INSR: variants seen among roughly 807,000 people sequenced by gnomAD.
The protein encoded by INSR is IR.
INSR carries 67 observed loss-of-function variants against 142.6 expected under a neutral mutation model. The ratio of observed to expected loss-of-function variants is 0.47; its 90% CI spans 0.39 to 0.58. The LOEUF (loss-of-function observed/expected upper bound fraction) is 0.58. Among genes scored for constraint, INSR ranks in the 20% least tolerant of loss-of-function variants. INSR has a pLI of 0.00. For missense variants in INSR, 1,248 were observed against 1,833.2 expected (o/e 0.68, Z 5.83); for synonymous variants, 756 against 743.1 (o/e 1.02, Z -0.28).
Position 7,159,517 on chromosome 19 carries a change from G to C in INSR, c.2029+3515C>G, listed in dbSNP as rs915702872. The stretch of plus-strand genomic sequence containing the variant: ...TGGTCCCTTGGTAATTACAGATTTA[G>C]ACTTTCGGAATTAAAAAAAAAAAAA... On this transcript the variant is annotated intron_variant, in intron 9 of 21. Coordinates refer to ENST00000302850, the MANE Select transcript of INSR (RefSeq NM_000208.4). The surrounding 1 kb of genome is among the most constrained non-coding windows in gnomAD (Gnocchi z 4.3). 2.7e-5 allele frequency: 4 copies of C among 147,610 alleles called. No individual in the cohort carries two copies. The highest frequency in any genetic ancestry group is 1.0e-4 in the African/African-American group (4 of 39,076). 9.1% of individuals were successfully genotyped at this position (147,610 alleles called of 1,614,324 possible). A position where few individuals can be genotyped will look rare whatever the true frequency, so the allele number is the denominator to read the frequency against.
intron 2 of INSR, among the ~76,000 whole-genome samples, chr19:7,198,333 G>A (rs1239472408): frequency 2.6e-5 from 4 of 151,972 alleles, no homozygotes; most frequent in Non-Finnish European, 2.9e-5. Context: ...GGGCGGTCCC[G>A]GCCAGAGGAA....
chr19:7,147,324 G>A (rs1014352081), intron 11 of INSR, among the ~76,000 whole-genome samples: 1 of 151,914 alleles, frequency 6.6e-6, no homozygotes, highest in Non-Finnish European at 1.5e-5. Context: ...ACAGGCGCAC[G>A]TTACCACATC....
intron 9 of INSR, among the ~76,000 whole-genome samples, chr19:7,156,785 T>C (rs911514723): frequency 2.5e-3 from 319 of 127,048 alleles, no homozygotes; most frequent in Non-Finnish European, 4.0e-3. Context: ...TTTCTCTCTT[T>C]TTTTTTTTTT....
intron 8 of INSR, among the ~76,000 whole-genome samples, chr19:7,165,348 AACAAAAAGAAG>A (rs1339972280): frequency 6.6e-6 from 1 of 152,086 alleles, no homozygotes; most frequent in Non-Finnish European, 1.5e-5. Context: ...CAAACAACAA[AACAAAAAGAAG>A]TAACAAGTGG....
intron 2 of INSR, among the ~76,000 whole-genome samples, chr19:7,240,669 A>T (rs1208745643): frequency 6.6e-6 from 1 of 152,174 alleles, no homozygotes; most frequent in Non-Finnish European, 1.5e-5. Context: ...GAAAATCCAA[A>T]ATCCTAAATG....
chr19:7,245,054 G>A (rs924742631), intron 2 of INSR, among the ~76,000 whole-genome samples: 3 of 149,794 alleles, frequency 2.0e-5, no homozygotes, highest in African/African-American at 7.4e-5. Flanking sequence ...TCCTGCCTCA[G>A]CCTCCCGAGT....
rs200862261 is a variant in INSR, at chr19:7,191,303, AAAAGAGAAAGAAAG to A, written c.653-6680_653-6667del. On this transcript the variant is annotated intron_variant, in intron 2 of 21. Coordinates refer to ENST00000302850, the MANE Select transcript of INSR (RefSeq NM_000208.4). The stretch of plus-strand genomic sequence containing the variant: ...ACTCTGTCTCAAAAAGAAAGAAAAG[AAAAGAGAAAGAAAG>A]AAAGAAAAAGAAAGAAAGAAAGAAA... 1.3e-3 allele frequency among the ~76,000 whole-genome samples: 185 copies of A among 146,950 alleles called. 2 individuals are homozygous for A. The highest frequency in any genetic ancestry group is 3.4e-3 in the Middle Eastern group (1 of 294).
At chr19:7,173,513 T>C (rs953706761) in intron 4 of INSR, among the ~76,000 whole-genome samples, 6 of 151,626 alleles carry the variant, frequency 4.0e-5, no homozygotes, top group African/African-American at 1.2e-4. Context: ...GAGACAAGGT[T>C]TCACCATGTT....
intron 8 of INSR, among the ~76,000 whole-genome samples, chr19:7,164,233 A>G (rs2144933517): frequency 6.6e-6 from 1 of 152,254 alleles, no homozygotes; most frequent in Admixed American, 6.6e-5. Context: ...GACATGGAAC[A>G]GCCTCTCTGG....
chr19:7,122,225 C>T (rs1400629805), intron 19 of INSR, among the ~76,000 whole-genome samples: 2 of 151,494 alleles, frequency 1.3e-5, no homozygotes, highest in Non-Finnish European at 2.9e-5. Flanking sequence ...AGGAGGATCA[C>T]GAGGTCAGGA....
chr19:7,288,194 C>CA (rs904519512), intron 1 of INSR, among the ~76,000 whole-genome samples: 4,292 of 113,372 alleles, frequency 0.038, 180 homozygotes, highest in African/African-American at 0.12. Context: ...CCTGTTTCTA[C>CA]AAAAAAAAAA....
chr19:7,210,715 GGAGA>G (rs1975249018), intron 2 of INSR, among the ~76,000 whole-genome samples: 1 of 151,894 alleles, frequency 6.6e-6, no homozygotes, highest in Non-Finnish European at 1.5e-5. Flanking sequence ...ATGTATATAT[GGAGA>G]GAGAGAGACA....
At chr19:7,187,381 C>T (rs1477621499) in intron 2 of INSR, among the ~76,000 whole-genome samples, 3 of 152,000 alleles carry the variant, frequency 2.0e-5, no homozygotes, top group African/African-American at 7.3e-5. Flanking sequence ...TGTGCCCAGC[C>T]TAGCTGCAGT....
chr19:7,193,317 T>C (rs1974651043), intron 2 of INSR, among the ~76,000 whole-genome samples: 1 of 151,708 alleles, frequency 6.6e-6, no homozygotes, highest in Admixed American at 6.6e-5. Flanking sequence ...AGCCAAACCA[T>C]CCTGACCAAC....
At chr19:7,178,274 T>A (rs944750504) in intron 3 of INSR, among the ~76,000 whole-genome samples, 1 of 37,432 alleles carries the variant, frequency 2.7e-5, no homozygotes, top group Non-Finnish European at 5.4e-5. Context: ...AACATGAGGG[T>A]GGGGGGCGGT....
intron 2 of INSR, among the ~76,000 whole-genome samples, chr19:7,211,717 C>T (rs35639485): frequency 0.03 from 4,526 of 152,212 alleles, 219 homozygotes; most frequent in African/African-American, 0.1. Context: ...GGGTCAGGGC[C>T]GGCAGCCGCG....
At chr19:7,128,623 C>CAA (rs58240555) in intron 15 of INSR, among the ~76,000 whole-genome samples, 3 of 139,762 alleles carry the variant, frequency 2.1e-5, no homozygotes, top group African/African-American at 7.9e-5. Context: ...AAGGTTTGGG[C>CAA]AAAAAAAAAA....
At chr19:7,265,514 G>A (rs1462304644) in intron 2 of INSR, among the ~76,000 whole-genome samples, 1 of 152,158 alleles carries the variant, frequency 6.6e-6, no homozygotes, top group Non-Finnish European at 1.5e-5. Context: ...GCCGAGGTGG[G>A]TGGATCACCT....
At chr19:7,270,532 G>C (rs1028892258) in intron 1 of INSR, among the ~76,000 whole-genome samples, 2 of 151,736 alleles carry the variant, frequency 1.3e-5, no homozygotes, top group Admixed American at 6.6e-5. Flanking sequence ...TGAGAGGATC[G>C]ATTGAAGCCA....
Sources: gnomAD v4.1 joint callset for allele counts (sites outside exome capture counted in the v4.1 genomes callset) on GRCh38, gnomAD v4.1.1 for gene constraint, Gnocchi (gnomAD v3.1) non-coding constraint, MANE v1.5 for transcripts, NCBI Gene and HGNC (gene_info 2026-07-23, HGNC 2026-07-21) for gene names.